CHRM3: variants seen among roughly 807,000 people sequenced by gnomAD.
The protein encoded by CHRM3 is cholinergic receptor muscarinic 3.
In CHRM3, 11 loss-of-function variants were observed where a neutral mutation model predicts 41.8. The observed-to-expected ratio is 0.26, with a 90% CI of 0.17 to 0.44. CHRM3 has a LOEUF of 0.44. Ranked by LOEUF, CHRM3 falls within the 20% of genes least tolerant of loss-of-function variation. The probability of loss-of-function intolerance (pLI) is 1.00; values close to 1 mark genes in which losing one functional copy is unlikely to be tolerated. For synonymous variants in CHRM3, 297 were observed against 301.4 expected, an observed-to-expected ratio of 0.99 and a Z score of 0.15; for missense variants, 571 against 745.4, an observed-to-expected ratio of 0.77 and a Z score of 2.72.
At chr1:239,859,604 T>C (rs1453895067) in intron 6 of CHRM3, among the ~76,000 whole-genome samples, 2 of 151,178 alleles carry the variant, frequency 1.3e-5, no homozygotes, top group Non-Finnish European at 2.9e-5. Flanking sequence ...TTAGTAGAGA[T>C]GGGGTTTCAC....
intron 3 of CHRM3, among the ~76,000 whole-genome samples, chr1:239,592,149 AATAG>A (rs1368541926): frequency 5.9e-5 from 9 of 152,240 alleles, no homozygotes; most frequent in Non-Finnish European, 8.8e-5. Flanking sequence ...CTTCATTAAA[AATAG>A]ATAGAGTCCA....
chr1:239,513,455 C>G (rs1669058186), intron 2 of CHRM3, among the ~76,000 whole-genome samples: 1 of 151,496 alleles, frequency 6.6e-6, no homozygotes, highest in African/African-American at 2.4e-5. Context: ...AGGATTTGGC[C>G]CATGTTTTAA....
chr1:239,589,783 G>A (rs1420441263), intron 3 of CHRM3, among the ~76,000 whole-genome samples: 2 of 150,138 alleles, frequency 1.3e-5, no homozygotes, highest in Non-Finnish European at 3.0e-5. Flanking sequence ...GTAGGAGGCT[G>A]TTGATAGTTT....
Position 239,747,483 on chromosome 1 carries a change from G to T in CHRM3, c.-147+69195G>T, listed in dbSNP as rs139203216. ...TGTTGTAAAAGCTTTGCTGGGAGTTGTAATTAGGAATCTGGGAATGAGAGA... is the reference window on the plus strand; with the variant it reads ...TGTTGTAAAAGCTTTGCTGGGAGTTTTAATTAGGAATCTGGGAATGAGAGA... On this transcript the variant is annotated intron_variant, in intron 5 of 6. Transcript: ENST00000676153. 5.9e-3 allele frequency among the ~76,000 whole-genome samples: 903 copies of T among 152,264 alleles called. 9 individuals carry two copies. The highest frequency in any genetic ancestry group is 0.021 in the African/African-American group (859 of 41,560).
At chr1:239,735,533 T>A (rs1400660131) in intron 5 of CHRM3, among the ~76,000 whole-genome samples, 1 of 152,154 alleles carries the variant, frequency 6.6e-6, no homozygotes, top group African/African-American at 2.4e-5. Context: ...AAACTTTTTT[T>A]CCCAAACATG....
chr1:239,489,302 C>T (rs1451820348), intron 1 of CHRM3, among the ~76,000 whole-genome samples: 2 of 152,024 alleles, frequency 1.3e-5, no homozygotes, highest in Non-Finnish European at 2.9e-5. Context: ...ATCCCAGCTA[C>T]TCAGGAGGCT....
chr1:239,674,847 A>T (rs1657823237), intron 4 of CHRM3, among the ~76,000 whole-genome samples: 1 of 152,202 alleles, frequency 6.6e-6, no homozygotes, highest in Admixed American at 6.5e-5. Flanking sequence ...TAAATTGGCA[A>T]CAATGGTGTC....
chr1:239,852,823 C>T (rs972287122), intron 6 of CHRM3, among the ~76,000 whole-genome samples: 1 of 152,144 alleles, frequency 6.6e-6, no homozygotes, highest in Non-Finnish European at 1.5e-5. Flanking sequence ...AAGAAGTTTA[C>T]ACTTAATAGT....
At chr1:239,835,276 C>T (rs1395643183) in intron 6 of CHRM3, among the ~76,000 whole-genome samples, 2 of 152,210 alleles carry the variant, frequency 1.3e-5, no homozygotes, top group African/African-American at 4.8e-5. Flanking sequence ...TGAAGATGAA[C>T]AGAGCTGGCT....
intron 1 of CHRM3, among the ~76,000 whole-genome samples, chr1:239,447,959 T>G (rs74149073): frequency 0.021 from 3,252 of 152,290 alleles, 101 homozygotes; most frequent in African/African-American, 0.074. Context: ...GCCACGTTGC[T>G]GAGAATAAAC....
intron 5 of CHRM3, among the ~76,000 whole-genome samples, chr1:239,776,424 G>T (rs1322356444): frequency 1.3e-5 from 2 of 152,150 alleles, no homozygotes; most frequent in African/African-American, 2.4e-5. Context: ...TGATTACATA[G>T]AATAATAATA....
intron 6 of CHRM3, among the ~76,000 whole-genome samples, chr1:239,889,016 G>A (rs1156816026): frequency 6.6e-6 from 1 of 152,148 alleles, no homozygotes; most frequent in Non-Finnish European, 1.5e-5. Flanking sequence ...TGATAACCAA[G>A]GTTCACTGTC....
At chr1:239,571,366 T>C (rs1279335470) in intron 3 of CHRM3, among the ~76,000 whole-genome samples, 1 of 151,696 alleles carries the variant, frequency 6.6e-6, no homozygotes, top group Non-Finnish European at 1.5e-5. Flanking sequence ...AAGATAGGAG[T>C]TTCCAGATTG....
chr1:239,480,713 C>T (rs570615937), intron 1 of CHRM3, among the ~76,000 whole-genome samples: 2 of 152,084 alleles, frequency 1.3e-5, no homozygotes, highest in East Asian at 1.9e-4. Flanking sequence ...CCCACCAGCA[C>T]ACCTGGCTAA....
intron 1 of CHRM3, among the ~76,000 whole-genome samples, chr1:239,397,768 T>A (rs1342463996): frequency 1.3e-5 from 2 of 148,148 alleles, no homozygotes; most frequent in African/African-American, 4.9e-5. Flanking sequence ...TCTATATATA[T>A]ATAGAAAATG....
chr1:239,470,060 G>T (rs1251989176), intron 1 of CHRM3, among the ~76,000 whole-genome samples: 1 of 152,140 alleles, frequency 6.6e-6, no homozygotes, highest in African/African-American at 2.4e-5. Context: ...GGAAGTAGGG[G>T]TTTTGTAGAT....
intron 6 of CHRM3, among the ~76,000 whole-genome samples, chr1:239,902,970 A>G (rs1055398150): frequency 1.3e-5 from 2 of 152,214 alleles, no homozygotes; most frequent in African/African-American, 4.8e-5. Context: ...TCAGAAACGT[A>G]TTAGATATTG....
intron 1 of CHRM3, among the ~76,000 whole-genome samples, chr1:239,446,615 C>T (rs141515092): frequency 1.1e-3 from 166 of 152,174 alleles, no homozygotes; most frequent in Non-Finnish European, 1.8e-3. Flanking sequence ...TGTCGATTTC[C>T]AGTGAAATGG....
At chr1:239,633,143 T>C (rs1490260555) in intron 4 of CHRM3, among the ~76,000 whole-genome samples, 1 of 152,106 alleles carries the variant, frequency 6.6e-6, no homozygotes, top group Non-Finnish European at 1.5e-5. Flanking sequence ...GGCTAATTTT[T>C]TGTATTTTCA....
Sources: allele counts gnomAD v4.1 joint callset (sites outside exome capture counted in the v4.1 genomes callset), GRCh38; gene constraint gnomAD v4.1.1; transcripts MANE v1.5; gene names NCBI Gene and HGNC (gene_info 2026-07-23, HGNC 2026-07-21).